Variants in TRPM7 observed in about 807,000 individuals in gnomAD.
TRPM7 encodes LTRPC ion channel family member 7.
In TRPM7, 134 loss-of-function variants were observed where a neutral mutation model predicts 229.7. That is an observed-to-expected ratio of 0.58 (90% CI 0.51 to 0.67). The LOEUF is 0.67. TRPM7 is among the 30% of genes least tolerant of loss of function. The pLI is 0.00. For synonymous variants in TRPM7, 699 were observed against 715.2 expected, an observed-to-expected ratio of 0.98 and a Z score of 0.36; for missense variants, 1,901 against 2,210.0, an observed-to-expected ratio of 0.86 and a Z score of 2.80.
At chr15:50,637,108 A>AGAGC (rs561038011) in intron 7 of TRPM7, among the ~76,000 whole-genome samples, 3 of 150,906 alleles carry the variant, frequency 2.0e-5, no homozygotes, top group Non-Finnish European at 4.4e-5. Context: ...CCTGGGTGAC[A>AGAGC]GAGCGAGACT....
At chr15:50,670,592 T>C (rs1449678428) in intron 1 of TRPM7, among the ~76,000 whole-genome samples, 1 of 151,908 alleles carries the variant, frequency 6.6e-6, no homozygotes, top group East Asian at 1.9e-4. Context: ...CCCTATATAG[T>C]TTAAAAAGAG....
chr15:50,610,180 C>T lies in TRPM7; in HGVS notation c.2281-219G>A, dbSNP rs568038575. On this transcript the variant is annotated intron_variant, in intron 17 of 38. Coordinates refer to ENST00000646667, the MANE Select transcript of TRPM7 (RefSeq NM_017672.6). ...TTAACTGTTTTAAAGAGTAACAAAA[C>T]ATTTGATTATTATGATAATAAGGGT... Among the ~76,000 whole-genome samples the T allele has an allele frequency of 7.2e-5, 11 of 152,012 alleles. No homozygotes were observed. The South Asian group carries it at 2.3e-3, about 32-fold the overall frequency.
At chr15:50,678,322 A>G (rs1209074844) in intron 1 of TRPM7, among the ~76,000 whole-genome samples, 6 of 151,348 alleles carry the variant, frequency 4.0e-5, no homozygotes, top group Admixed American at 4.0e-4. Flanking sequence ...AAATTTGTAC[A>G]TGGGTCAACA....
At chr15:50,643,262 C>T in intron 5 of TRPM7, 78 bp downstream of exon 5, 2 of 1,223,024 alleles carry the variant, frequency 1.6e-6, no homozygotes, top group Non-Finnish European at 2.3e-6. Context: ...GCACTCCAGC[C>T]TGGCAACAGA....
At chr15:50,614,557 C>T (rs2060161009) in intron 13 of TRPM7, among the ~76,000 whole-genome samples, 1 of 149,974 alleles carries the variant, frequency 6.7e-6, no homozygotes, top group Admixed American at 6.7e-5. Context: ...CCCAGCTACT[C>T]AAGAGGCTGA....
At chr15:50,615,123 AC>A (rs936074390) in intron 13 of TRPM7, among the ~76,000 whole-genome samples, 3 of 143,908 alleles carry the variant, frequency 2.1e-5, no homozygotes, top group African/African-American at 5.2e-5. Flanking sequence ...AGATAGTGCC[AC>A]CGCATTCCAG....
chr15:50,617,009 G>A (rs2060239520), intron 13 of TRPM7, among the ~76,000 whole-genome samples: 1 of 152,008 alleles, frequency 6.6e-6, no homozygotes, highest in South Asian at 2.1e-4. Context: ...AGCACATGCA[G>A]GCTGGGCGTA....
chr15:50,606,185 C>T (rs749466108), intron 20 of TRPM7, among the ~76,000 whole-genome samples: 1 of 152,094 alleles, frequency 6.6e-6, no homozygotes, highest in Admixed American at 6.6e-5. Context: ...TCAAGACCAG[C>T]CTCACCAACA....
At chr15:50,576,641 A>C (rs1287790955) in intron 31 of TRPM7, among the ~76,000 whole-genome samples, 3 of 152,206 alleles carry the variant, frequency 2.0e-5, no homozygotes, top group Non-Finnish European at 2.9e-5. Context: ...TGCTTTTTGG[A>C]CATACATCCA....
At chr15:50,628,285 T>A in intron 10 of TRPM7, 36 bp from the exon 11 acceptor site, 1 of 1,434,040 alleles carries the variant, frequency 7.0e-7, no homozygotes, top group Non-Finnish European at 9.7e-7. Context: ...CAGGTTCAAT[T>A]AATTTATCTC....
At chr15:50,596,685 C>T (rs568062283) in intron 22 of TRPM7, among the ~76,000 whole-genome samples, 11 of 152,246 alleles carry the variant, frequency 7.2e-5, no homozygotes, top group East Asian at 1.9e-4. Flanking sequence ...TTTAACCTGA[C>T]GAGCACTAAA....
chr15:50,589,343 AG>A (rs1443070194), intron 27 of TRPM7, among the ~76,000 whole-genome samples: 2 of 148,478 alleles, frequency 1.3e-5, no homozygotes, highest in Non-Finnish European at 3.0e-5. Context: ...AAAAAAAAAG[AG>A]AGAAATGTTA....
rs1415779921 is a variant in TRPM7, at chr15:50,679,528, A to ATTATATATATGTG, written c.3+7002_3+7003insCACATATATATAA. 2.1e-4 allele frequency among the ~76,000 whole-genome samples: 10 copies of ATTATATATATGTG among 47,366 alleles called. No homozygotes were observed. The South Asian group carries it at 2.6e-3, about 12-fold the overall frequency. The allele number at this position is 47,366 out of a possible 152,430, so 31.1% of individuals were successfully genotyped here. ...ATATATATAATATATATATATATATATATATATATATTTTTTTTTTTTTTT... is the reference window on the plus strand; with the variant it reads ...ATATATATAATATATATATATATATATTATATATATGTGTATATATATATTTTTTTTTTTTTTT... On this transcript the variant is annotated intron_variant, in intron 1 of 38. Coordinates refer to ENST00000646667, the MANE Select transcript of TRPM7 (RefSeq NM_017672.6).
chr15:50,573,164 G>A (rs538975166), intron 36 of TRPM7, among the ~76,000 whole-genome samples: 52 of 152,016 alleles, frequency 3.4e-4, no homozygotes, highest in African/African-American at 1.2e-3. Context: ...GATGCATATC[G>A]TTCTACCCAT....
chr15:50,611,387 A>G lies in TRPM7; in HGVS notation c.2052-66T>C. On this transcript the variant is annotated intron_variant, in intron 16 of 38. Transcript: ENST00000646667. The stretch of plus-strand genomic sequence containing the variant: ...ACTGCAATTTTAAACCACTATTCTT[A>G]TATACATTAATACTTCCTACTTTTT... 3 of 1,154,904 alleles carry G rather than the reference A, an allele frequency of 2.6e-6. No homozygotes were observed. In the South Asian group the frequency reaches 4.3e-5, roughly 16 times the overall value. The allele number at this position is 1,154,904 out of a possible 1,614,324, so 71.5% of individuals were successfully genotyped here. A position where few individuals can be genotyped will look rare whatever the true frequency, so the allele number is the denominator to read the frequency against.
At chr15:50,677,180 C>A (rs1319528976) in intron 1 of TRPM7, among the ~76,000 whole-genome samples, 1 of 152,120 alleles carries the variant, frequency 6.6e-6, no homozygotes, top group Non-Finnish European at 1.5e-5. Context: ...ACAGCTGCCT[C>A]CTCACTGTGT....
rs546648928 is a variant in TRPM7 at position 50,570,710 on chromosome 15, G to A, written c.5309-555C>T. 3.1e-3 allele frequency among the ~76,000 whole-genome samples: 458 copies of A among 148,712 alleles called. 3 individuals are homozygous for A. Among genetic ancestry groups the A allele is most frequent in the Non-Finnish European group, 2.6e-3 (175 of 67,436 alleles). On this transcript the variant is annotated intron_variant, in intron 36 of 38. Transcript: ENST00000646667. ...AAAAAAAAAAAAAAAAAAGTTAGCC[G>A]GACATGGTGGGGGGCGCCTGTAGTC...
Position 50,580,755 on chromosome 15 carries a change from G to C in TRPM7, c.4592+119C>G, listed in dbSNP as rs2054360792. ...ATCTATGTGAAGAGAGGAGATGCTA[G>C]AATAAATAATCATCACTCATAAAGA... is the stretch of plus-strand genomic sequence containing the variant. On this transcript the variant is annotated intron_variant, in intron 30 of 38. Transcript: ENST00000646667. 7 of 879,554 alleles carry C rather than the reference G, an allele frequency of 8.0e-6. No homozygotes were observed. In the Admixed American group the frequency reaches 9.1e-5, roughly 11 times the overall value. 54.5% of individuals were successfully genotyped at this position (879,554 alleles called of 1,614,324 possible).
At chr15:50,588,300 T>C (rs1025276966) in intron 27 of TRPM7, 1 of 926,616 alleles carries the variant, frequency 1.1e-6, no homozygotes, top group Non-Finnish European at 1.3e-6. Flanking sequence ...TAAAGGCAAA[T>C]ACAGAAAGGA....
Sources: gnomAD v4.1 joint callset for allele counts (sites outside exome capture counted in the v4.1 genomes callset) on GRCh38, gnomAD v4.1.1 for gene constraint, MANE v1.5 for transcripts, NCBI Gene and HGNC (gene_info 2026-07-23, HGNC 2026-07-21) for gene names.